LNX1: variants seen among roughly 807,000 people sequenced by gnomAD.
The protein encoded by LNX1 is ligand of numb-protein X 1, also known as E3 ubiquitin-protein ligase LNX.
Under a neutral mutation model 68.4 loss-of-function variants are expected in LNX1, and 54 were observed. That is an observed-to-expected ratio of 0.79 (90% CI 0.63 to 0.99). The LOEUF (loss-of-function observed/expected upper bound fraction) is 0.99, where lower values mean the gene tolerates loss of function less well. LNX1 is among the 50% of genes least tolerant of loss of function. LNX1 has a pLI of 0.00. For synonymous variants in LNX1, 336 were observed against 350.0 expected (o/e 0.96, Z 0.45); for missense variants, 906 against 926.4 (o/e 0.98, Z 0.29).
At chr4:53,492,536 A>AGAG in intron 6 of LNX1, among the ~76,000 whole-genome samples, 1 of 151,558 alleles carries the variant, frequency 6.6e-6, no homozygotes, top group Admixed American at 6.6e-5. Flanking sequence ...AGAGAGAGAG[A>AGAG]GAGAGAGTGG....
intron 1 of LNX1, among the ~76,000 whole-genome samples, chr4:53,647,255 C>T (rs929679066): frequency 3.3e-5 from 5 of 152,164 alleles, no homozygotes; most frequent in African/African-American, 9.7e-5. Context: ...AACTGCAGTC[C>T]TAAATGTTTT....
intron 7 of LNX1, 96 bp from the exon 8 acceptor site, chr4:53,478,838 C>T: frequency 8.8e-7 from 1 of 1,133,736 alleles, no homozygotes; most frequent in Non-Finnish European, 1.3e-6. Context: ...TTTCTAAATG[C>T]AAAAATTACC....
upstream of LNX1, among the ~76,000 whole-genome samples, chr4:53,622,426 G>A (rs990840650): frequency 1.3e-5 from 2 of 152,038 alleles, no homozygotes; most frequent in Admixed American, 1.3e-4. Context: ...CACACACTGG[G>A]CCACTCAGCA....
intron 1 of LNX1, chr4:53,575,450 T>G (rs1295385802): frequency 6.7e-4 from 632 of 945,064 alleles, no homozygotes; most frequent in Middle Eastern, 1.6e-3. Context: ...AGCTAGGTCA[T>G]GAGTTTGATA....
intron 1 of LNX1, among the ~76,000 whole-genome samples, chr4:53,643,895 T>C (rs1734783096): frequency 6.6e-6 from 1 of 152,228 alleles, no homozygotes. Context: ...GTGATTATTA[T>C]TATTTCATGA....
intron 1 of LNX1, among the ~76,000 whole-genome samples, chr4:53,639,862 T>A (rs1049741710): frequency 6.6e-6 from 1 of 152,026 alleles, no homozygotes; most frequent in African/African-American, 2.4e-5. Flanking sequence ...TGAAACCCTG[T>A]CTCTACTAAA....
chr4:53,574,153 A>ATGTCTAC, intron 1 of LNX1, 65 bp from the exon 2 acceptor site: 1 of 1,202,732 alleles, frequency 8.3e-7, no homozygotes, highest in Non-Finnish European at 1.1e-6. Flanking sequence ...CTTATGGTAG[A>ATGTCTAC]CATGAGACAG....
intron 2 of LNX1, among the ~76,000 whole-genome samples, chr4:53,532,065 AT>A (rs551392554): frequency 1.3e-5 from 2 of 152,244 alleles, no homozygotes; most frequent in Non-Finnish European, 2.9e-5. Flanking sequence ...CAGTCTTGCA[AT>A]GAGAAACAAG....
intron 1 of LNX1, among the ~76,000 whole-genome samples, chr4:53,581,303 G>A (rs549582022): frequency 6.6e-6 from 1 of 152,130 alleles, no homozygotes; most frequent in Admixed American, 6.5e-5. Context: ...TGAAGAGTAG[G>A]TATATCAAAA....
chr4:53,550,071 G>T (rs550083995), intron 2 of LNX1, among the ~76,000 whole-genome samples: 1 of 152,110 alleles, frequency 6.6e-6, no homozygotes, highest in African/African-American at 2.4e-5. Flanking sequence ...ATTCTCAAAG[G>T]GGGGAAAAAA....
Position 53,498,833 on chromosome 4 carries a change from C to G in LNX1, c.786G>C (p.Arg262Ser). ...ENTTAPEVFP[R>S]LYHLIPDGEI... ...CACCATCTGGAATCAGGTGGTACAA[C>G]CTTGGAAAGACTGAAATGGACAAAG... The change falls in exon 5 of 11, where the codon AGG becomes AGC. Residue 262 changes from arginine (R) to serine (S), a missense_variant. By Grantham distance (110) the Arg-to-Ser change is moderately radical. Transcript: ENST00000263925. 6.2e-7 allele frequency: 1 copy of G among 1,613,172 alleles called. No homozygotes were observed. Among genetic ancestry groups the G allele is most frequent in the Non-Finnish European group, 8.5e-7 (1 of 1,179,492 alleles).
At chr4:53,535,747 C>T (rs1044135490) in intron 2 of LNX1, among the ~76,000 whole-genome samples, 2 of 152,176 alleles carry the variant, frequency 1.3e-5, no homozygotes, top group African/African-American at 2.4e-5. Flanking sequence ...CTATTCCCTG[C>T]CTTTATGCCA....
chr4:53,461,495 T>G lies in LNX1; in HGVS notation c.1991A>C (p.Lys664Thr). Reference protein sequence around the residue: ...VGGYEEYNGNKPFFIKSIVEG... With the variant: ...VGGYEEYNGNTPFFIKSIVEG... ...AACAATGGATTTGATGAAAAAAGGT[T>G]TGTTTCCATTGTATTCTTCATAACC... The change falls in exon 10 of 11, where the codon AAA becomes ACA. Residue 664 changes from lysine to threonine, a missense_variant. Lys to Thr is a moderately conservative substitution (Grantham distance 78, BLOSUM62 -1). Coordinates refer to ENST00000263925, the MANE Select transcript of LNX1 (RefSeq NM_001126328.3). The G allele has an allele frequency of 6.2e-7, 1 of 1,612,572 alleles. No individual in the cohort carries two copies. The highest frequency in any genetic ancestry group is 8.5e-7 in the Non-Finnish European group (1 of 1,178,990).
At chr4:53,521,616 C>T (rs1313305649) in intron 2 of LNX1, among the ~76,000 whole-genome samples, 4 of 152,314 alleles carry the variant, frequency 2.6e-5, no homozygotes, top group African/African-American at 9.6e-5. Context: ...TGAGCTTCCT[C>T]TTCCCTCCCA....
chr4:53,540,439 G>T (rs1728672271), intron 2 of LNX1, among the ~76,000 whole-genome samples: 1 of 151,696 alleles, frequency 6.6e-6, no homozygotes, highest in Non-Finnish European at 1.5e-5. Context: ...CAACCTCAAG[G>T]TGCCATGCCA....
At chr4:53,462,586 A>G (rs1319904930) in intron 9 of LNX1, among the ~76,000 whole-genome samples, 1 of 152,144 alleles carries the variant, frequency 6.6e-6, no homozygotes, top group African/African-American at 2.4e-5. Flanking sequence ...TTAAATGATA[A>G]AGTTGATCAT....
chr4:53,646,917 C>T (rs889435424), intron 1 of LNX1, among the ~76,000 whole-genome samples: 1 of 152,188 alleles, frequency 6.6e-6, no homozygotes, highest in Non-Finnish European at 1.5e-5. Context: ...CACCCCTTTG[C>T]CCGGGAGTTG....
intron 2 of LNX1, among the ~76,000 whole-genome samples, chr4:53,602,175 G>C (rs772504944): frequency 6.6e-6 from 1 of 152,202 alleles, no homozygotes; most frequent in Non-Finnish European, 1.5e-5. Context: ...ACTCTCCGAA[G>C]TGATAAGGGG....
intron 2 of LNX1, among the ~76,000 whole-genome samples, chr4:53,554,171 A>G (rs1042613363): frequency 1.3e-5 from 2 of 152,198 alleles, no homozygotes; most frequent in African/African-American, 4.8e-5. Context: ...AGTTCTGTCC[A>G]GCTCTCGCCA....
Sources: gnomAD v4.1 joint callset for allele counts (sites outside exome capture counted in the v4.1 genomes callset) on GRCh38, gnomAD v4.1.1 for gene constraint, MANE v1.5 for transcripts, NCBI Gene and HGNC (gene_info 2026-07-23, HGNC 2026-07-21) for gene names.